Variants in ANO2 observed in about 807,000 individuals in gnomAD.
ANO2 encodes the protein anoctamin-2.
In ANO2, 101 loss-of-function variants were observed where a neutral mutation model predicts 124.2. That is an observed-to-expected ratio of 0.81 (90% CI 0.69 to 0.96). ANO2 has a LOEUF of 0.96. Ranked by LOEUF, ANO2 falls within the 40% of genes least tolerant of loss-of-function variation. The probability of loss-of-function intolerance (pLI) is 0.00; values close to 1 mark genes in which losing one functional copy is unlikely to be tolerated. For missense variants in ANO2, 1,293 were observed against 1,274.5 expected (o/e 1.01, Z -0.22); for synonymous variants, 486 against 482.5 (o/e 1.01, Z -0.09).
intron 16 of ANO2, among the ~76,000 whole-genome samples, chr12:5,632,123 A>G (rs1285746995): frequency 6.6e-6 from 1 of 152,138 alleles, no homozygotes; most frequent in Non-Finnish European, 1.5e-5. Flanking sequence ...AGGGAGCAGA[A>G]GGAGCCAAGT....
chr12:5,773,726 C>A (rs948953894), intron 10 of ANO2, among the ~76,000 whole-genome samples: 1 of 152,164 alleles, frequency 6.6e-6, no homozygotes, highest in Non-Finnish European at 1.5e-5. Flanking sequence ...GGCTGAGCCA[C>A]CGCCCCCTAC....
intron 11 of ANO2, among the ~76,000 whole-genome samples, chr12:5,746,709 G>A (rs776467316): frequency 1.8e-4 from 27 of 152,170 alleles, no homozygotes; most frequent in Non-Finnish European, 3.7e-4. Flanking sequence ...GTAAATCATT[G>A]CTCATGGATT....
chr12:5,631,309 TCTTTTTGTGGGTTGCTCCCTC>T (rs1945707528), intron 16 of ANO2, among the ~76,000 whole-genome samples: 1 of 152,198 alleles, frequency 6.6e-6, no homozygotes, highest in Admixed American at 6.5e-5. Context: ...TCCTTCTAGA[TCTTTTTGTGGGTTGCTCCCTC>T]CTGCCATCTG....
intron 14 of ANO2, among the ~76,000 whole-genome samples, chr12:5,706,864 A>C (rs1949629712): frequency 6.6e-6 from 1 of 152,176 alleles, no homozygotes; most frequent in South Asian, 2.1e-4. Context: ...AGGTTAAATA[A>C]CTTTCCCAAG....
chr12:5,944,317 A>G (rs1159328536), intron 1 of ANO2, among the ~76,000 whole-genome samples: 1 of 152,154 alleles, frequency 6.6e-6, no homozygotes, highest in Non-Finnish European at 1.5e-5. Context: ...CTGAGACCCG[A>G]CCTTGCTCAG....
intron 20 of ANO2, among the ~76,000 whole-genome samples, chr12:5,594,942 A>G (rs1405239363): frequency 4.6e-5 from 7 of 152,172 alleles, no homozygotes; most frequent in Admixed American, 3.3e-4. Context: ...CTTATCATCT[A>G]TATGTAGATC....
intron 10 of ANO2, among the ~76,000 whole-genome samples, chr12:5,763,174 C>A (rs942102053): frequency 6.6e-6 from 1 of 151,952 alleles, no homozygotes; most frequent in African/African-American, 2.4e-5. Flanking sequence ...GGACCAAGAA[C>A]TCTCAAAAGA....
At chr12:5,715,054 G>C (rs1418807597) in intron 14 of ANO2, among the ~76,000 whole-genome samples, 2 of 151,966 alleles carry the variant, frequency 1.3e-5, no homozygotes, top group Non-Finnish European at 2.9e-5. Context: ...GCTCTTCTGT[G>C]GATTAATAAT....
In ANO2 at chr12:5,563,366, G is replaced by T; in HGVS notation, c.2930C>A (p.Ser977Ter). ...GDRSRSRAASSAPSGQSQLGS... is the reference protein window; with the variant it reads ...GDRSRSRAAS ...CAGCTGGCTTTGGCCTGAAGGTGCT[G>T]AGCTGGCTGCCCGGCTCCTGCTTCG... The change falls in exon 25 of 25, where the codon TCA (serine) becomes TAA (stop). Residue 977 changes from serine (S) to a stop codon, truncating the protein, a stop_gained. Transcript: ENST00000682330. LOFTEE classifies it high-confidence loss of function. 1 of 1,605,244 alleles carries T rather than the reference G, an allele frequency of 6.2e-7. No individual in the cohort carries two copies.
intron 23 of ANO2, among the ~76,000 whole-genome samples, chr12:5,574,415 T>C (rs1019864250): frequency 6.6e-6 from 1 of 152,148 alleles, no homozygotes; most frequent in Admixed American, 6.5e-5. Context: ...ACCTCTTGGA[T>C]TTCTTAACAT....
intron 11 of ANO2, 22 bp downstream of exon 11, chr12:5,750,814 C>T (rs767238260): frequency 2.1e-5 from 34 of 1,604,576 alleles, no homozygotes; most frequent in Non-Finnish European, 2.9e-5. Flanking sequence ...CAACTGAGCC[C>T]TTTTCTTTAA....
At chr12:5,923,081 TACACACACACACGCACACACATAC>T (rs1941814752) in intron 1 of ANO2, among the ~76,000 whole-genome samples, 3 of 21,876 alleles carry the variant, frequency 1.4e-4, no homozygotes, top group Non-Finnish European at 2.4e-4. Flanking sequence ...CATGCACACA[TACACACACACACGCACACACATAC>T]ACACACATGC....
intron 10 of ANO2, among the ~76,000 whole-genome samples, chr12:5,768,929 G>T (rs184614938): frequency 6.6e-6 from 1 of 152,134 alleles, no homozygotes; most frequent in African/African-American, 2.4e-5. Context: ...ACAAGAAAAG[G>T]CCTCTTGCTA....
intron 1 of ANO2, among the ~76,000 whole-genome samples, chr12:5,929,325 TAG>T (rs1942243587): frequency 9.2e-6 from 1 of 108,754 alleles, no homozygotes; most frequent in African/African-American, 4.8e-5. Context: ...CCTTCCTTAC[TAG>T]TCTATCTTCT....
At chr12:5,797,605 T>C (rs746867601) in intron 10 of ANO2, among the ~76,000 whole-genome samples, 4 of 152,054 alleles carry the variant, frequency 2.6e-5, no homozygotes, top group African/African-American at 4.8e-5. Flanking sequence ...TCACTTCTCT[T>C]TCCAGCAGTT....
At chr12:5,830,536 G>C (rs1427517490) in intron 5 of ANO2, 47 bp from the exon 6 acceptor site, 1 of 1,564,752 alleles carries the variant, frequency 6.4e-7, no homozygotes, top group African/African-American at 1.4e-5. Flanking sequence ...CATTACCCTT[G>C]CCCTGAGACC....
intron 3 of ANO2, among the ~76,000 whole-genome samples, chr12:5,913,070 C>T (rs1941152038): frequency 6.6e-6 from 1 of 152,124 alleles, no homozygotes; most frequent in East Asian, 1.9e-4. Flanking sequence ...TACACCACGC[C>T]CCGATCCAGC....
At chr12:5,926,110 T>C (rs1942065949) in intron 1 of ANO2, among the ~76,000 whole-genome samples, 1 of 152,240 alleles carries the variant, frequency 6.6e-6, no homozygotes, top group South Asian at 2.1e-4. Flanking sequence ...CTCCTGCAAA[T>C]GCTCCACCAA....
At chr12:5,616,926 TCA>T (rs961314470) in intron 16 of ANO2, among the ~76,000 whole-genome samples, 16 of 139,104 alleles carry the variant, frequency 1.2e-4, no homozygotes, top group African/African-American at 4.0e-4. Context: ...ACTCTCCAGA[TCA>T]CACAGTGCCA....
Sources: allele counts gnomAD v4.1 joint callset (sites outside exome capture counted in the v4.1 genomes callset), GRCh38; gene constraint gnomAD v4.1.1; transcripts MANE v1.5; gene names NCBI Gene and HGNC (gene_info 2026-07-23, HGNC 2026-07-21).